Variants in CETP observed in about 807,000 individuals in gnomAD.
The protein encoded by CETP is cholesteryl ester transfer protein.
Under a neutral mutation model 66.5 loss-of-function variants are expected in CETP, and 56 were observed. That is an observed-to-expected ratio of 0.84 (90% CI 0.68 to 1.05). The LOEUF is 1.05. CETP is among the 50% of genes least tolerant of loss of function. The pLI, the probability that CETP is intolerant of heterozygous loss-of-function variation, is 0.00. For missense variants in CETP, 612 were observed against 609.6 expected (o/e 1.00, Z -0.04); for synonymous variants, 251 against 245.7 (o/e 1.02, Z -0.20).
At chr16:56,975,892 C>T (rs1278890550) in intron 10 of CETP, among the ~76,000 whole-genome samples, 2 of 152,308 alleles carry the variant, frequency 1.3e-5, no homozygotes, top group East Asian at 1.9e-4. Context: ...CCCCCCACGT[C>T]GCTGCTCCCA....
At position 56,961,992 on chromosome 16, in the gene CETP, A is replaced by G; in HGVS notation, c.13A>G (p.Thr5Ala). The G allele has an allele frequency of 6.2e-7, 1 of 1,614,016 alleles. No individual in the cohort carries two copies. Among genetic ancestry groups the G allele is most frequent in the East Asian group, 2.2e-5 (1 of 44,882 alleles). The change falls in exon 1 of 16, where the codon ACA becomes GCA. Residue 5 changes from threonine to alanine, a missense_variant. By Grantham distance (58) the Thr-to-Ala change is moderately conservative (BLOSUM62 0). Coordinates refer to ENST00000200676, the MANE Select transcript of CETP (RefSeq NM_000078.3). MLAA[T>A]VLTLALLGNA... is the part of the protein sequence containing the mutation. The stretch of plus-strand genomic sequence containing the variant: ...CTGCCTGATAACCATGCTGGCTGCC[A>G]CAGTCCTGACCCTGGCCCTGCTGGG...
At chr16:56,970,899 G>T in intron 5 of CETP, 134 bp from the exon 6 acceptor site, 1 of 814,926 alleles carries the variant, frequency 1.2e-6, no homozygotes, top group East Asian at 2.6e-5. Flanking sequence ...CTGCAAAATG[G>T]GAGTGATAAT....
intron 2 of CETP, among the ~76,000 whole-genome samples, chr16:56,965,729 C>T (rs1395514061): frequency 6.6e-6 from 1 of 152,276 alleles, no homozygotes; most frequent in South Asian, 2.1e-4. Context: ...CAAGCCGGGC[C>T]CTGGGGGAGA....
rs1221175311 is a variant in CETP, at chr16:56,983,489, C to A, written c.1407+78C>A. 1.9e-6 allele frequency: 3 copies of A among 1,593,836 alleles called. No individual in the cohort carries two copies. The East Asian group carries it at 6.7e-5, about 36-fold the overall frequency. Reference sequence around the variant, plus strand: ...ACAGGATTCCTGGGGTGACTGGGGGCTGTTGGGGAGACAGACAGAGGGGCC... The same window carrying A: ...ACAGGATTCCTGGGGTGACTGGGGGATGTTGGGGAGACAGACAGAGGGGCC... On this transcript the variant is annotated intron_variant, in intron 15 of 15. Coordinates refer to ENST00000200676, the MANE Select transcript of CETP (RefSeq NM_000078.3).
At chr16:56,968,113 A>G (rs1351902870) in intron 2 of CETP, among the ~76,000 whole-genome samples, 1 of 152,126 alleles carries the variant, frequency 6.6e-6, no homozygotes, top group Non-Finnish European at 1.5e-5. Context: ...TTTATGGGGT[A>G]CATGAGAGTA....
chr16:56,974,790 G>T (rs2056137890), intron 9 of CETP, among the ~76,000 whole-genome samples: 1 of 152,198 alleles, frequency 6.6e-6, no homozygotes, highest in Non-Finnish European at 1.5e-5. Context: ...TACTAGAAAT[G>T]CTTAGGTAGT....
At chr16:56,971,471 C>A (rs1469689169) in intron 7 of CETP, 90 bp downstream of exon 7, 6 of 1,139,518 alleles carry the variant, frequency 5.3e-6, no homozygotes, top group African/African-American at 1.5e-5. Flanking sequence ...GACTGTCACT[C>A]TTCCTGTCTA....
intron 10 of CETP, 82 bp from the exon 11 acceptor site, chr16:56,978,009 T>C: frequency 6.4e-7 from 1 of 1,554,562 alleles, no homozygotes; most frequent in East Asian, 2.3e-5. Context: ...GAGCCAGCTT[T>C]GTCCTTCCCA....
chr16:56,969,324 G>A, intron 2 of CETP, 62 bp from the exon 3 acceptor site: 2 of 1,610,398 alleles, frequency 1.2e-6, no homozygotes, highest in Non-Finnish European at 1.7e-6. Flanking sequence ...AAAATTGGAG[G>A]CTCACTCCTT....
chr16:56,965,015 G>A (rs17237939), intron 2 of CETP, among the ~76,000 whole-genome samples: 1,843 of 152,236 alleles, frequency 0.012, 56 homozygotes, highest in African/African-American at 0.042. Context: ...CAGGAGGCCA[G>A]GGGAGGTCAA....
intron 2 of CETP, among the ~76,000 whole-genome samples, chr16:56,966,438 C>G (rs765172948): frequency 2.0e-5 from 3 of 152,180 alleles, no homozygotes; most frequent in Non-Finnish European, 4.4e-5. Flanking sequence ...CTTGAAAGGG[C>G]CTTTTCCCAC....
intron 9 of CETP, among the ~76,000 whole-genome samples, chr16:56,974,266 C>T (rs2056134182): frequency 6.6e-6 from 1 of 152,126 alleles, no homozygotes; most frequent in Admixed American, 6.6e-5. Context: ...TGGGGAGACC[C>T]CTGTCTCTAC....
intron 2 of CETP, among the ~76,000 whole-genome samples, chr16:56,968,021 T>C (rs2141995705): frequency 6.6e-6 from 1 of 152,170 alleles, no homozygotes; most frequent in South Asian, 2.1e-4. Context: ...AATCTAGTTG[T>C]TTCCTATACC....
rs923602864 is a variant in CETP at position 56,982,843 on chromosome 16, C to T, written c.1322-483C>T. ...CATGGCTTAGGTAGGAGAGGAAGGGCGTGGAAACTGGAATGATCCTAGTGG... is the reference window on the plus strand; with the variant it reads ...CATGGCTTAGGTAGGAGAGGAAGGGTGTGGAAACTGGAATGATCCTAGTGG... On this transcript the variant is annotated intron_variant, in intron 14 of 15. Transcript: ENST00000200676. Among the ~76,000 whole-genome samples the T allele has an allele frequency of 3.9e-5, 6 of 152,232 alleles. No homozygotes were observed. The South Asian group carries it at 6.2e-4, about 16-fold the overall frequency.
intron 1 of CETP, chr16:56,962,343 G>T: frequency 2.8e-6 from 2 of 709,458 alleles, no homozygotes; most frequent in Non-Finnish European, 2.6e-6. Flanking sequence ...ATAGGGATTT[G>T]TGTTTGTCTG....
At chr16:56,982,344 AT>A (rs1232782496) in intron 14 of CETP, 107 bp downstream of exon 14, 6 of 1,077,458 alleles carry the variant, frequency 5.6e-6, no homozygotes, top group Non-Finnish European at 8.6e-6. Flanking sequence ...CTTCCCAGTC[AT>A]TGATACTTAG....
At chr16:56,976,705 A>G (rs2056152594) in intron 10 of CETP, among the ~76,000 whole-genome samples, 4 of 151,934 alleles carry the variant, frequency 2.6e-5, no homozygotes, top group Admixed American at 1.3e-4. Flanking sequence ...TACCTCCTGG[A>G]ATTTCCATGA....
Position 56,971,978 on chromosome 16 carries a change from T to C in CETP, c.659-14T>C. The C allele has an allele frequency of 6.2e-7, 1 of 1,612,658 alleles. No homozygotes were observed. The highest frequency in any genetic ancestry group is 8.5e-7 in the Non-Finnish European group (1 of 1,178,718). On this transcript the variant is annotated splice_polypyrimidine_tract_variant and intron_variant, in intron 7 of 15. Coordinates refer to ENST00000200676, the MANE Select transcript of CETP (RefSeq NM_000078.3). The stretch of plus-strand genomic sequence containing the variant: ...CCCATCCTGAGGCCCTGCGTTGATC[T>C]TTTCCTCCTGCAGCCAGCATCCTTT...
Position 56,970,002 on chromosome 16 carries a change from G to A in CETP, c.527+1G>A, listed in dbSNP as rs1244375411. 1 of 1,613,138 alleles carries A rather than the reference G, an allele frequency of 6.2e-7. No homozygotes were observed. The highest frequency in any genetic ancestry group is 8.5e-7 in the Non-Finnish European group (1 of 1,179,682). The stretch of plus-strand genomic sequence containing the variant: ...TCCTGCATCTCCAAGGGGAGCGAGA[G>A]TAAGTACACCACCCTGTGGCCCCCA... On this transcript the variant is annotated splice_donor_variant, in intron 5 of 15. Coordinates refer to ENST00000200676, the MANE Select transcript of CETP (RefSeq NM_000078.3). LOFTEE classifies it high-confidence loss of function.
Sources: gnomAD v4.1 joint callset for allele counts (sites outside exome capture counted in the v4.1 genomes callset) on GRCh38, gnomAD v4.1.1 for gene constraint, MANE v1.5 for transcripts, NCBI Gene and HGNC (gene_info 2026-07-23, HGNC 2026-07-21) for gene names.